Variants in BBS1 observed in about 807,000 individuals in gnomAD.
The protein encoded by BBS1 is Bardet-Biedl syndrome 1.
In BBS1, 60 loss-of-function variants were observed where a neutral mutation model predicts 73.9. The observed-to-expected ratio is 0.81, with a 90% CI of 0.66 to 1.01. BBS1 has a LOEUF of 1.01. BBS1 is among the 50% of genes least tolerant of loss of function. The pLI, the probability that BBS1 is intolerant of heterozygous loss-of-function variation, is 0.00. For synonymous variants in BBS1, 283 were observed against 317.4 expected, an observed-to-expected ratio of 0.89 and a Z score of 1.15; for missense variants, 718 against 770.3, an observed-to-expected ratio of 0.93 and a Z score of 0.80.
intron 13 of BBS1, 59 bp from the exon 14 acceptor site, chr11:66,529,749 GTGCCCCGTTGC>G: frequency 6.3e-7 from 1 of 1,584,638 alleles, no homozygotes; most frequent in Non-Finnish European, 8.6e-7. Context: ...CTGAGCAGGA[GTGCCCCGTTGC>G]TGCCTCCTCC....
chr11:66,514,796 C>G, intron 4 of BBS1, 118 bp downstream of exon 4: 4 of 1,198,358 alleles, frequency 3.3e-6, no homozygotes, highest in Non-Finnish European at 4.8e-6. Flanking sequence ...TATAGTCCAT[C>G]TCTGACAGCA....
rs200116631 is a variant in BBS1 at position 66,526,807 on chromosome 11, G to A, written c.1339G>A (p.Ala447Thr). 39 of 1,614,216 alleles carry A rather than the reference G, an allele frequency of 2.4e-5. No individual in the cohort carries two copies. The highest frequency in any genetic ancestry group is 1.8e-4 in the South Asian group (16 of 91,086). The change falls in exon 13 of 17, where the codon GCC becomes ACC. Residue 447 changes from alanine to threonine, a missense_variant and splice_region_variant. Transcript: ENST00000318312. ...ACTGCGAGAGCGGGAGGCTGGCACC[G>A]GTGAGCCTCAGACTGGGTCCTTTCC... ...QTLREREAGTAMHRAFQTDLY... is the reference protein window; with the variant it reads ...QTLREREAGTTMHRAFQTDLY...
chr11:66,514,436 C>G lies in BBS1; in HGVS notation c.190C>G (p.Gln64Glu), dbSNP rs369843749. ...LVVGDLGPGG[Q>E]QPRLKVLKGP... ...GGTAGGGGACCTTGGCCCTGGTGGG[C>G]AGCAGCCCCGCCTGAAGGTGCTCAA... Residue 64 changes from glutamine (Q) to glutamate (E), a missense_variant, in exon 4 of 17, where the codon CAG becomes GAG. By Grantham distance (29) the Gln-to-Glu change is conservative. Coordinates refer to ENST00000318312, the MANE Select transcript of BBS1 (RefSeq NM_024649.5). The G allele has an allele frequency of 2.0e-5, 32 of 1,614,020 alleles. No individual in the cohort carries two copies. Among genetic ancestry groups the G allele is most frequent in the Non-Finnish European group, 8.5e-7 (1 of 1,180,044 alleles).
At chr11:66,531,084 A>G (rs1456029924) in intron 15 of BBS1, 56 bp downstream of exon 15, 2 of 1,607,604 alleles carry the variant, frequency 1.2e-6, no homozygotes, top group African/African-American at 2.7e-5. Context: ...CAGGGGCCTG[A>G]TGAGATGCCC....
At position 66,511,576 on chromosome 11, in the gene BBS1, G is replaced by T. The variant is rs188053546; in HGVS notation, c.159+337G>T. 5.3e-3 allele frequency among the ~76,000 whole-genome samples: 806 copies of T among 152,082 alleles called. 7 individuals are homozygous for T. Among genetic ancestry groups the T allele is most frequent in the African/African-American group, 0.018 (742 of 41,496 alleles). ...GAAAGTAAAAAGGAGGGAAGTGAACGTTTGATGTTTATCAAAAGATTTTAA... is the reference window on the plus strand; with the variant it reads ...GAAAGTAAAAAGGAGGGAAGTGAACTTTTGATGTTTATCAAAAGATTTTAA... On this transcript the variant is annotated intron_variant, in intron 3 of 16. Transcript: ENST00000318312.
chr11:66,528,382 G>A (rs1285108168), intron 13 of BBS1, among the ~76,000 whole-genome samples: 1 of 152,180 alleles, frequency 6.6e-6, no homozygotes. Flanking sequence ...AGTGGGGTTT[G>A]TTTTAAGGAC....
At position 66,532,133 on chromosome 11, in the gene BBS1, G is replaced by A. The variant is rs1856812809; in HGVS notation, c.*96G>A. The A allele has an allele frequency of 7.6e-7, 1 of 1,321,676 alleles. No homozygotes were observed. Among genetic ancestry groups the A allele is most frequent in the African/African-American group, 1.5e-5 (1 of 67,920 alleles). The allele number at this position is 1,321,676 out of a possible 1,614,324, so 81.9% of individuals were successfully genotyped here. On this transcript the variant is annotated 3_prime_UTR_variant, in exon 17 of 17. Transcript: ENST00000318312. ...CCACTCCTCATGCAGCAGTGTGCTG[G>A]GGCGACAGCTCGTCTCCCCTCTCTT...
chr11:66,515,477 G>T, intron 4 of BBS1, 63 bp from the exon 5 acceptor site: 3 of 1,563,972 alleles, frequency 1.9e-6, no homozygotes, highest in South Asian at 2.2e-5. Flanking sequence ...GCTGTCTGGG[G>T]GTGTAGACAT....
At chr11:66,524,066 G>A in intron 11 of BBS1, 184 bp downstream of exon 11, 1 of 841,318 alleles carries the variant, frequency 1.2e-6, no homozygotes, top group Non-Finnish European at 1.9e-6. Context: ...GATCACCTGA[G>A]GTAAGGAGTT....
intron 13 of BBS1, chr11:66,529,205 G>GGGGGGGGGGGGGGGGC: frequency 4.2e-6 from 4 of 956,956 alleles, no homozygotes; most frequent in South Asian, 1.6e-5. Flanking sequence ...GGCGGGGTGG[G>GGGGGGGGGGGGGGGGC]CCCTGGAGGT....
At chr11:66,518,993 G>A (rs182789095) in intron 7 of BBS1, among the ~76,000 whole-genome samples, 2 of 152,188 alleles carry the variant, frequency 1.3e-5, no homozygotes, top group East Asian at 3.9e-4. Context: ...GGACTCCTGG[G>A]CTCATGCAGT....
At position 66,526,706 on chromosome 11, in the gene BBS1, G is replaced by A. The variant is rs748523004; in HGVS notation, c.1238G>A (p.Ser413Asn). Residue 413 changes from serine to asparagine, a missense_variant, in exon 13 of 17, where the codon AGT becomes AAT. Transcript: ENST00000318312. ...ACAGCAGTGTTTGTAGAGGGAGGAA[G>A]TGAGGTGGGTCCCCCACCAGCCCAG... ...KRTAVFVEGG[S>N]EVGPPPAQAM... 1.2e-6 allele frequency: 2 copies of A among 1,614,232 alleles called. No individual in the cohort carries two copies. Among genetic ancestry groups the A allele is most frequent in the East Asian group, 2.2e-5 (1 of 44,878 alleles).
intron 11 of BBS1, among the ~76,000 whole-genome samples, chr11:66,525,913 A>C (rs1213685081): frequency 6.6e-6 from 1 of 152,174 alleles, no homozygotes; most frequent in Non-Finnish European, 1.5e-5. Context: ...GTTGACCCCA[A>C]AAGTGAGGGC....
At chr11:66,517,243 C>A (rs529303175) in intron 7 of BBS1, among the ~76,000 whole-genome samples, 48 of 151,352 alleles carry the variant, frequency 3.2e-4, no homozygotes, top group African/African-American at 1.1e-3. Context: ...AAACATTTTG[C>A]TTCTGCTAAT....
chr11:66,510,834 C>G (rs1392059636), intron 1 of BBS1, 128 bp downstream of exon 1: 71 of 1,447,566 alleles, frequency 4.9e-5, no homozygotes, highest in Non-Finnish European at 6.5e-5. Context: ...ATAGGGAAAC[C>G]GAGGCCTAAG....
At chr11:66,530,764 G>T (rs922802872) in intron 14 of BBS1, 130 bp from the exon 15 acceptor site, 6 of 1,350,378 alleles carry the variant, frequency 4.4e-6, no homozygotes, top group Admixed American at 1.7e-5. Flanking sequence ...GGTCTTCTGT[G>T]TCTGCTGGGA....
intron 11 of BBS1, 172 bp downstream of exon 11, chr11:66,524,054 C>A: frequency 3.2e-6 from 3 of 923,282 alleles, no homozygotes; most frequent in Non-Finnish European, 5.0e-6. Context: ...CCAAGGTGGG[C>A]AGATCACCTG....
intron 9 of BBS1, among the ~76,000 whole-genome samples, chr11:66,522,641 C>T (rs1025019077): frequency 1.4e-4 from 22 of 152,152 alleles, no homozygotes; most frequent in Non-Finnish European, 2.9e-4. Flanking sequence ...CCACCACACC[C>T]GGCCTAACAT....
At position 66,532,996 on chromosome 11, in the gene BBS1, TAGC is replaced by T. The variant is rs1856846308; in HGVS notation, c.*962_*964del. The stretch of plus-strand genomic sequence containing the variant: ...AGGGCAGTGGTCACATCGTGAGAAT[TAGC>T]AGGAAAGGCGGGGCCTTTCTTGTCA... On this transcript the variant is annotated 3_prime_UTR_variant, in exon 17 of 17. Coordinates refer to ENST00000318312, the MANE Select transcript of BBS1 (RefSeq NM_024649.5). 1 of 152,302 alleles carries T rather than the reference TAGC, an allele frequency of 6.6e-6. No homozygotes were observed. The highest frequency in any genetic ancestry group is 1.5e-5 in the Non-Finnish European group (1 of 68,028). The allele number at this position is 152,302 out of a possible 1,614,324, so 9.4% of individuals were successfully genotyped here.
Sources: allele counts gnomAD v4.1 joint callset (sites outside exome capture counted in the v4.1 genomes callset), GRCh38; gene constraint gnomAD v4.1.1; transcripts MANE v1.5; gene names NCBI Gene and HGNC (gene_info 2026-07-23, HGNC 2026-07-21).